DNAAF9: variants seen among roughly 807,000 people sequenced by gnomAD.
DNAAF9 encodes the protein shulin.
DNAAF9 carries 90 observed loss-of-function variants against 167.0 expected under a neutral mutation model. The observed-to-expected ratio is 0.54, with a 90% confidence interval of 0.45 to 0.64. The LOEUF is 0.64. DNAAF9 is among the 30% of genes least tolerant of loss of function. The probability of loss-of-function intolerance (pLI) is 0.00; values close to 1 mark genes in which losing one functional copy is unlikely to be tolerated. For synonymous variants in DNAAF9, 491 were observed against 508.8 expected (o/e 0.96, Z 0.47); for missense variants, 1,315 against 1,442.2 (o/e 0.91, Z 1.43).
chr20:3,391,765 A>G (rs1030523666), intron 1 of DNAAF9, among the ~76,000 whole-genome samples: 2 of 151,960 alleles, frequency 1.3e-5, no homozygotes, highest in Non-Finnish European at 2.9e-5. Flanking sequence ...TTTTTAGTAG[A>G]GACAGGTTTC....
chr20:3,386,042 A>C (rs1246947834), intron 1 of DNAAF9, among the ~76,000 whole-genome samples: 1 of 152,188 alleles, frequency 6.6e-6, no homozygotes, highest in Non-Finnish European at 1.5e-5. Flanking sequence ...AGTCTCAGCT[A>C]CTAGGAGGCT....
rs761489794 is a variant in DNAAF9, at chr20:3,257,582, C to A, written c.3056-1371G>T. On this transcript the variant is annotated intron_variant, in intron 33 of 36. Coordinates refer to ENST00000252032, the MANE Select transcript of DNAAF9 (RefSeq NM_001009984.3). The stretch of plus-strand genomic sequence containing the variant: ...TTATTGAGACGGAGTTTCACTCTGT[C>A]GCCCAGGCTGGAGTGCAGTGGCACA... Among the ~76,000 whole-genome samples the A allele has an allele frequency of 2.5e-3, 376 of 152,226 alleles. 2 individuals carry two copies. The highest frequency in any genetic ancestry group is 2.7e-3 in the Non-Finnish European group (185 of 68,012).
intron 21 of DNAAF9, among the ~76,000 whole-genome samples, chr20:3,298,960 G>A (rs1224332797): frequency 6.9e-6 from 1 of 144,928 alleles, no homozygotes; most frequent in East Asian, 2.0e-4. Flanking sequence ...CCAGGCTGGA[G>A]TGCAAAAGCA....
chr20:3,316,772 G>C lies in DNAAF9; in HGVS notation c.1490C>G (p.Thr497Ser). 1.2e-6 allele frequency: 2 copies of C among 1,613,368 alleles called. No homozygotes were observed. The highest frequency in any genetic ancestry group is 1.7e-6 in the Non-Finnish European group (2 of 1,179,490). The part of the protein sequence containing the change: ...KEKDGTVTTE[T>S]SSVVLTAAVP... ...AGCAGCAGTCAGGACTACGGAGCTGGTTTCTGTGGTAACAGTGCCATCTGC... is the reference window on the plus strand; with the variant it reads ...AGCAGCAGTCAGGACTACGGAGCTGCTTTCTGTGGTAACAGTGCCATCTGC... Residue 497 changes from threonine to serine, a missense_variant, in exon 18 of 37, where the codon ACC becomes AGC. Around this residue, in one of 2 missense-constraint regions of DNAAF9, gnomAD observed 981 missense variants for 1,012.5 expected, o/e 0.97. Coordinates refer to ENST00000252032, the MANE Select transcript of DNAAF9 (RefSeq NM_001009984.3).
At chr20:3,400,060 G>A (rs1275135441) in intron 1 of DNAAF9, among the ~76,000 whole-genome samples, 1 of 152,204 alleles carries the variant, frequency 6.6e-6, no homozygotes, top group African/African-American at 2.4e-5. Context: ...GTTATCTGAA[G>A]TTTGTTCACT....
At position 3,259,509 on chromosome 20, in the gene DNAAF9, T is replaced by G; in HGVS notation, c.3026A>C (p.Tyr1009Ser). The G allele has an allele frequency of 1.2e-6, 2 of 1,612,266 alleles. No homozygotes were observed. The highest frequency in any genetic ancestry group is 1.7e-6 in the Non-Finnish European group (2 of 1,178,410). ...IKPSPFSGNIYHILGKVKFSD... is the reference protein window; with the variant it reads ...IKPSPFSGNISHILGKVKFSD... ...AAACTTCACTTTGCCCAGGATGTGG[T>G]AGATGTTTCCGGAGAAGGGACTTGG... Residue 1009 changes from tyrosine (Y) to serine (S), a missense_variant, in exon 33 of 37, where the codon TAC becomes TCC. Tyr to Ser is a moderately radical substitution (Grantham distance 144). Transcript: ENST00000252032.
At chr20:3,311,995 C>CTTTTTTTTTCT (rs2069422540) in intron 20 of DNAAF9, among the ~76,000 whole-genome samples, 1 of 145,096 alleles carries the variant, frequency 6.9e-6, no homozygotes. Flanking sequence ...TCTTTTTTTT[C>CTTTTTTTTTCT]TTTTTTTTTT....
intron 26 of DNAAF9, among the ~76,000 whole-genome samples, chr20:3,289,772 A>G (rs904685912): frequency 6.6e-6 from 1 of 152,116 alleles, no homozygotes; most frequent in Non-Finnish European, 1.5e-5. Flanking sequence ...TTTGCCTCCC[A>G]AAGTGCTGGG....
At chr20:3,367,615 T>G (rs1367594867) in intron 6 of DNAAF9, among the ~76,000 whole-genome samples, 2 of 151,624 alleles carry the variant, frequency 1.3e-5, no homozygotes, top group Non-Finnish European at 2.9e-5. Context: ...AATAGGGAAG[T>G]CAGGATAAAG....
intron 7 of DNAAF9, 97 bp from the exon 8 acceptor site, chr20:3,348,720 G>A: frequency 1.5e-6 from 1 of 645,224 alleles, no homozygotes; most frequent in East Asian, 2.7e-5. Flanking sequence ...CAAAACACCA[G>A]ACCATTTATA....
At chr20:3,394,967 T>C (rs2083883127) in intron 1 of DNAAF9, among the ~76,000 whole-genome samples, 1 of 33,076 alleles carries the variant, frequency 3.0e-5, no homozygotes, top group East Asian at 5.6e-4. Flanking sequence ...TTTTTTTTTT[T>C]TTTTTTTTTT....
intron 29 of DNAAF9, among the ~76,000 whole-genome samples, chr20:3,276,732 C>A (rs1205822398): frequency 6.6e-6 from 1 of 152,194 alleles, no homozygotes; most frequent in Non-Finnish European, 1.5e-5. Context: ...GGGTGCCAAT[C>A]ATCACACGGT....
At chr20:3,275,754 T>C (rs937705131) in intron 29 of DNAAF9, among the ~76,000 whole-genome samples, 6 of 152,072 alleles carry the variant, frequency 3.9e-5, no homozygotes, top group Non-Finnish European at 8.8e-5. Context: ...TATCAAGGAG[T>C]GGACAGCCAG....
intron 1 of DNAAF9, among the ~76,000 whole-genome samples, chr20:3,401,313 C>T (rs1173137099): frequency 6.6e-6 from 1 of 152,070 alleles, no homozygotes; most frequent in Non-Finnish European, 1.5e-5. Flanking sequence ...TCAAGCAATT[C>T]TCCTGCCTCA....
At chr20:3,279,039 A>G in intron 28 of DNAAF9, 90 bp from the exon 29 acceptor site, 1 of 919,658 alleles carries the variant, frequency 1.1e-6, no homozygotes, top group South Asian at 1.4e-5. Context: ...TACCACTGAC[A>G]AGCAAATTGA....
At position 3,340,566 on chromosome 20, in the gene DNAAF9, A is replaced by T; in HGVS notation, c.919T>A (p.Phe307Ile). Residue 307 changes from phenylalanine (F) to isoleucine (I), a missense_variant, in exon 10 of 37, where the codon TTC (phenylalanine) becomes ATC (isoleucine). By Grantham distance (21) the Phe-to-Ile change is conservative. This residue lies in a region of DNAAF9 where 981 missense variants were observed against 1,012.5 expected (regional missense o/e 0.97). Transcript: ENST00000252032. ...RENLNAGNFN[F>I]PSEGHLVRST... ...CGTACCAGATGTCCTTCAGAAGGGA[A>T]GTTAAAGTTGCCAGCATTCAGGTTT... 1 of 1,613,736 alleles carries T rather than the reference A, an allele frequency of 6.2e-7. No individual in the cohort carries two copies. The highest frequency in any genetic ancestry group is 1.1e-5 in the South Asian group (1 of 91,060).
intron 33 of DNAAF9, among the ~76,000 whole-genome samples, chr20:3,257,458 G>A (rs2068300790): frequency 6.6e-6 from 1 of 152,082 alleles, no homozygotes; most frequent in Non-Finnish European, 1.5e-5. Flanking sequence ...GATGCAGTGA[G>A]CCGAGATCAA....
chr20:3,354,021 C>T (rs1484776202), intron 7 of DNAAF9, among the ~76,000 whole-genome samples: 1 of 152,152 alleles, frequency 6.6e-6, no homozygotes, highest in African/African-American at 2.4e-5. Context: ...AAATCACCAG[C>T]ATTCTATATG....
At chr20:3,396,083 C>T (rs1392778613) in intron 1 of DNAAF9, among the ~76,000 whole-genome samples, 1 of 152,194 alleles carries the variant, frequency 6.6e-6, no homozygotes, top group East Asian at 1.9e-4. Context: ...GTGAGATGTG[C>T]CTTTCACCTT....
Sources: gnomAD v4.1 joint callset for allele counts (sites outside exome capture counted in the v4.1 genomes callset) on GRCh38, gnomAD v4.1.1 for gene constraint, gnomAD v4.1.1 regional missense constraint, MANE v1.5 for transcripts, NCBI Gene and HGNC (gene_info 2026-07-23, HGNC 2026-07-21) for gene names.